SLC24A2: variants seen among roughly 807,000 people sequenced by gnomAD.
The protein encoded by SLC24A2 is sodium/potassium/calcium exchanger 2.
In SLC24A2, 36 loss-of-function variants were observed where a neutral mutation model predicts 62.0. The observed-to-expected ratio is 0.58, with a 90% CI of 0.44 to 0.77. The LOEUF (loss-of-function observed/expected upper bound fraction) is 0.77, where lower values mean the gene tolerates loss of function less well. Among genes scored for constraint, SLC24A2 ranks in the 30% least tolerant of loss-of-function variants. SLC24A2 has a pLI of 0.00. For missense variants in SLC24A2, 846 were observed against 817.9 expected, an observed-to-expected ratio of 1.03 and a Z score of -0.42; for synonymous variants, 358 against 294.0, an observed-to-expected ratio of 1.22 and a Z score of -2.23.
intron 5 of SLC24A2, among the ~76,000 whole-genome samples, chr9:19,590,795 AC>A (rs906147023): frequency 4.6e-5 from 7 of 151,750 alleles, no homozygotes; most frequent in African/African-American, 1.7e-4. Flanking sequence ...CACTTCCAAA[AC>A]CCCAATTTGA....
the SLC24A2 span, among the ~76,000 whole-genome samples, chr9:19,949,940 A>T: frequency 6.6e-6 from 1 of 152,204 alleles, no homozygotes; most frequent in African/African-American, 2.4e-5. Context: ...TTAGACCAGC[A>T]GCGGCACCCG....
At chr9:19,833,941 C>A in the SLC24A2 span, among the ~76,000 whole-genome samples, 1 of 152,312 alleles carries the variant, frequency 6.6e-6, no homozygotes, top group African/African-American at 2.4e-5. Flanking sequence ...TCTGCAGCCA[C>A]CACTGCTGAT....
the SLC24A2 span, among the ~76,000 whole-genome samples, chr9:20,184,303 C>A: frequency 6.6e-6 from 1 of 152,194 alleles, no homozygotes; most frequent in Admixed American, 6.5e-5. Context: ...TTAATCCCAG[C>A]ACTTTTGGAG....
the SLC24A2 span, among the ~76,000 whole-genome samples, chr9:20,083,262 T>G: frequency 3.3e-5 from 5 of 152,230 alleles, no homozygotes; most frequent in Non-Finnish European, 7.3e-5. Context: ...ACTTGCTCTT[T>G]GGGGCTCCAG....
At chr9:19,635,892 CA>C (rs1270400906) in intron 2 of SLC24A2, among the ~76,000 whole-genome samples, 1 of 152,162 alleles carries the variant, frequency 6.6e-6, no homozygotes, top group East Asian at 1.9e-4. Flanking sequence ...TCATAACAAC[CA>C]TGTGTGTACA....
the SLC24A2 span, among the ~76,000 whole-genome samples, chr9:19,849,629 T>C: frequency 1.3e-5 from 2 of 152,158 alleles, no homozygotes; most frequent in Admixed American, 6.5e-5. Flanking sequence ...TGAATGTGAG[T>C]GAAAATAAAA....
At chr9:20,301,356 C>A in the SLC24A2 span, among the ~76,000 whole-genome samples, 4 of 151,956 alleles carry the variant, frequency 2.6e-5, no homozygotes, top group African/African-American at 9.7e-5. Flanking sequence ...TAGGTTCAAT[C>A]TTGAAAACCT....
intron 2 of SLC24A2, among the ~76,000 whole-genome samples, chr9:19,766,356 A>G (rs973486769): frequency 6.6e-6 from 1 of 152,146 alleles, no homozygotes; most frequent in Non-Finnish European, 1.5e-5. Context: ...AGGAGTTGTG[A>G]TCCTTTGGAG....
At chr9:19,556,243 T>C (rs1586951949) in intron 7 of SLC24A2, among the ~76,000 whole-genome samples, 2 of 152,234 alleles carry the variant, frequency 1.3e-5, no homozygotes, top group East Asian at 3.9e-4. Flanking sequence ...TCTTACACTT[T>C]TTCCATTTGA....
the SLC24A2 span, among the ~76,000 whole-genome samples, chr9:19,914,128 C>G: frequency 6.6e-5 from 10 of 152,058 alleles, no homozygotes; most frequent in African/African-American, 2.4e-4. Context: ...GGTTCTACCT[C>G]AAAATGCGCT....
At chr9:19,647,250 T>C (rs1034238941) in intron 2 of SLC24A2, among the ~76,000 whole-genome samples, 10 of 152,190 alleles carry the variant, frequency 6.6e-5, no homozygotes, top group African/African-American at 2.2e-4. Context: ...AAACTAAGCA[T>C]TTATTAAAGG....
the SLC24A2 span, among the ~76,000 whole-genome samples, chr9:20,064,212 G>T: frequency 6.6e-6 from 1 of 152,112 alleles, no homozygotes; most frequent in Non-Finnish European, 1.5e-5. Flanking sequence ...AAAAAAAAGT[G>T]AGATCCACAA....
intron 9 of SLC24A2, among the ~76,000 whole-genome samples, chr9:19,527,734 T>C (rs1391233706): frequency 3.3e-5 from 5 of 152,206 alleles, no homozygotes. Context: ...TCAGTACTAC[T>C]GAACCAGGCA....
the SLC24A2 span, among the ~76,000 whole-genome samples, chr9:19,816,127 G>T: frequency 6.6e-6 from 1 of 151,880 alleles, no homozygotes; most frequent in Admixed American, 6.6e-5. Flanking sequence ...GGAGTATTCT[G>T]TGCATGCTTT....
chr9:19,507,552 C>T lies in SLC24A2; in HGVS notation c.*8601G>A, dbSNP rs1400010152. On this transcript the variant is annotated 3_prime_UTR_variant, in exon 11 of 11. Transcript: ENST00000341998. ...ATGAATTGATTATCAGTAGTAGAAG[C>T]ACAAAGGTATGGACAGTGAAACAAG... 6 of 152,156 alleles carry T rather than the reference C, an allele frequency of 3.9e-5. No individual in the cohort carries two copies. Among genetic ancestry groups the T allele is most frequent in the South Asian group, 2.1e-4 (1 of 4,830 alleles). The allele number at this position is 152,156 out of a possible 1,614,324, so 9.4% of individuals were successfully genotyped here.
intron 1 of SLC24A2, chr9:19,788,413 G>A (rs993054688): frequency 2.7e-6 from 2 of 735,984 alleles, no homozygotes; most frequent in South Asian, 1.2e-4. Context: ...TCGTCTCCCC[G>A]GGAGCTGCCT....
the SLC24A2 span, among the ~76,000 whole-genome samples, chr9:19,811,897 A>G: frequency 6.6e-6 from 1 of 151,844 alleles, no homozygotes; most frequent in Non-Finnish European, 1.5e-5. Context: ...CTGTGTTTCA[A>G]TCTGGAATAG....
chr9:19,516,348 A>G lies in SLC24A2; in HGVS notation c.1791T>C (p.Ala597=). ...CACAGAAAAGGCCATTGCTGCTGAC[A>G]GCCACTGGCTGGAATCTGTGAATGA... The part of the protein sequence containing the change: ...YTVIHRFQPV[A]VSSNGLFCAI... The change falls in exon 11 of 11, where the codon GCT becomes GCC. Residue 597 remains alanine (A), a synonymous_variant. Coordinates refer to ENST00000341998, the MANE Select transcript of SLC24A2 (RefSeq NM_020344.4). The G allele has an allele frequency of 6.2e-7, 1 of 1,614,148 alleles. No homozygotes were observed. The highest frequency in any genetic ancestry group is 1.7e-5 in the Admixed American group (1 of 60,032).
chr9:19,874,166 T>C, the SLC24A2 span, among the ~76,000 whole-genome samples: 1 of 151,094 alleles, frequency 6.6e-6, no homozygotes, highest in African/African-American at 2.4e-5. Context: ...TGCAACCTCT[T>C]TCTCCCAGGT....
Sources: allele counts gnomAD v4.1 joint callset (sites outside exome capture counted in the v4.1 genomes callset), GRCh38; gene constraint gnomAD v4.1.1; transcripts MANE v1.5; gene names NCBI Gene and HGNC (gene_info 2026-07-23, HGNC 2026-07-21).